Variants in LARGE1 observed in about 807,000 individuals in gnomAD.
LARGE1 encodes the protein LARGE xylosyl- and glucuronyltransferase 1.
A neutral mutation model predicts 87.6 loss-of-function variants in LARGE1; 43 were observed. The observed-to-expected ratio is 0.49, with a 90% confidence interval of 0.38 to 0.63. The LOEUF is 0.63. LARGE1 is among the 30% of genes least tolerant of loss of function. The pLI is 0.00. For synonymous variants in LARGE1, 434 were observed against 394.6 expected (o/e 1.10, Z -1.18); for missense variants, 802 against 1,000.2 (o/e 0.80, Z 2.67).
chr22:33,163,103 T>C (rs1379356197), exon 12 of LARGE1: 2 of 152,156 alleles, frequency 1.3e-5, no homozygotes, highest in Admixed American at 1.3e-4. Context: ...TTCTCAAATA[T>C]TATGAGTTTC....
chr22:33,236,733 C>T (rs1304626539), intron 11 of LARGE1, among the ~76,000 whole-genome samples: 1 of 152,210 alleles, frequency 6.6e-6, no homozygotes, highest in Non-Finnish European at 1.5e-5. Context: ...CCTCTCCATG[C>T]TCCTTCCCAC....
At chr22:33,852,522 TA>T (rs1035941788) in intron 1 of LARGE1, among the ~76,000 whole-genome samples, 1 of 151,698 alleles carries the variant, frequency 6.6e-6, no homozygotes, top group Non-Finnish European at 1.5e-5. Flanking sequence ...ACAACAAATT[TA>T]AAAAAACATA....
At chr22:33,378,795 G>A (rs1260755321) in intron 9 of LARGE1, among the ~76,000 whole-genome samples, 1 of 152,156 alleles carries the variant, frequency 6.6e-6, no homozygotes, top group African/African-American at 2.4e-5. Flanking sequence ...GCCCACTTCA[G>A]ATGCCAGTTG....
chr22:33,454,671 T>C (rs1026085302), intron 6 of LARGE1, among the ~76,000 whole-genome samples: 1 of 151,066 alleles, frequency 6.6e-6, no homozygotes, highest in Middle Eastern at 3.2e-3. Flanking sequence ...GGCTCATGGT[T>C]CTGCAGGCTG....
intron 1 of LARGE1, among the ~76,000 whole-genome samples, chr22:33,894,120 G>A (rs904409146): frequency 4.6e-5 from 7 of 151,978 alleles, no homozygotes; most frequent in African/African-American, 1.7e-4. Context: ...TCTAGATGGG[G>A]AGAGAGGTTG....
intron 9 of LARGE1, among the ~76,000 whole-genome samples, chr22:33,346,257 TTC>T (rs66972397): frequency 2.2e-4 from 33 of 149,742 alleles, no homozygotes; most frequent in Admixed American, 8.6e-4. Context: ...CCTTCCTCTC[TTC>T]TCTCTCTCTC....
chr22:33,329,984 T>C (rs1937538432), intron 10 of LARGE1, among the ~76,000 whole-genome samples: 1 of 150,908 alleles, frequency 6.6e-6, no homozygotes, highest in Non-Finnish European at 1.5e-5. Context: ...CTTATTTCCT[T>C]ATGTTTCATT....
chr22:33,541,082 C>A (rs1171639474), intron 6 of LARGE1, among the ~76,000 whole-genome samples: 5 of 49,724 alleles, frequency 1.0e-4, no homozygotes, highest in Non-Finnish European at 1.6e-4. Context: ...GGGCGGGTTG[C>A]AGGGGGAGAA....
chr22:33,810,001 C>A (rs117148682), intron 1 of LARGE1, among the ~76,000 whole-genome samples: 1 of 152,006 alleles, frequency 6.6e-6, no homozygotes. Context: ...TAGTTATAGG[C>A]GGGTGTTGCT....
chr22:33,282,619 G>A (rs1930671770), intron 13 of LARGE1, among the ~76,000 whole-genome samples: 1 of 152,194 alleles, frequency 6.6e-6, no homozygotes, highest in South Asian at 2.1e-4. Flanking sequence ...GGGAAAAAAG[G>A]AAAATCAGGG....
At chr22:33,464,526 C>G (rs577269829) in intron 6 of LARGE1, among the ~76,000 whole-genome samples, 1 of 151,880 alleles carries the variant, frequency 6.6e-6, no homozygotes, top group Non-Finnish European at 1.5e-5. Context: ...CAAGTCAATA[C>G]GGAAAAGATG....
At chr22:33,827,534 C>T (rs2062835720) in intron 1 of LARGE1, among the ~76,000 whole-genome samples, 1 of 152,086 alleles carries the variant, frequency 6.6e-6, no homozygotes, top group South Asian at 2.1e-4. Context: ...GGGTTAGCCC[C>T]GAAAAGTGGA....
chr22:33,247,717 T>C (rs1407707135), intron 11 of LARGE1, among the ~76,000 whole-genome samples: 1 of 152,246 alleles, frequency 6.6e-6, no homozygotes, highest in African/African-American at 2.4e-5. Context: ...TAAGTATGAA[T>C]GGGAATCTTC....
chr22:33,709,478 T>C (rs933870080), intron 2 of LARGE1, among the ~76,000 whole-genome samples: 22 of 152,294 alleles, frequency 1.4e-4, no homozygotes, highest in African/African-American at 3.9e-4. Flanking sequence ...GTCATTTGCA[T>C]TGAATGCACG....
At chr22:33,595,867 CA>C (rs1474980498) in intron 5 of LARGE1, among the ~76,000 whole-genome samples, 14 of 152,292 alleles carry the variant, frequency 9.2e-5, no homozygotes, top group Middle Eastern at 3.4e-3. Context: ...ACAAATGGTA[CA>C]CAGGCTTGCA....
intron 5 of LARGE1, among the ~76,000 whole-genome samples, chr22:33,583,648 A>G (rs940527432): frequency 2.0e-5 from 3 of 152,204 alleles, no homozygotes; most frequent in Non-Finnish European, 4.4e-5. Flanking sequence ...GGTCAGGGAC[A>G]TTGATTTTAA....
At chr22:33,829,156 G>A (rs932749106) in intron 1 of LARGE1, among the ~76,000 whole-genome samples, 5 of 151,678 alleles carry the variant, frequency 3.3e-5, no homozygotes, top group Admixed American at 1.3e-4. Flanking sequence ...TTACAGGCAC[G>A]TGCCACCGTG....
chr22:33,244,210 T>C (rs1926652661), intron 11 of LARGE1, among the ~76,000 whole-genome samples: 1 of 151,994 alleles, frequency 6.6e-6, no homozygotes, highest in African/African-American at 2.4e-5. Flanking sequence ...TTAACCAGGA[T>C]GGTCTCGATC....
chr22:33,916,597 G>A (rs1278377582), intron 1 of LARGE1, among the ~76,000 whole-genome samples: 1 of 152,196 alleles, frequency 6.6e-6, no homozygotes, highest in Non-Finnish European at 1.5e-5. Flanking sequence ...CAAGGTGGCT[G>A]TATCCCCGAG....
Sources: allele counts gnomAD v4.1 joint callset (sites outside exome capture counted in the v4.1 genomes callset), GRCh38; gene constraint gnomAD v4.1.1; transcripts MANE v1.5; gene names NCBI Gene and HGNC (gene_info 2026-07-23, HGNC 2026-07-21).